The following ZNF283 variants were observed in gnomAD, a reference collection of about 807,000 sequenced individuals.
ZNF283 encodes zinc finger protein 283, also known as zinc finger protein 41.
In ZNF283, 10 loss-of-function variants were observed where a neutral mutation model predicts 9.2. The observed-to-expected ratio is 1.09, with a 90% CI of 0.67 to 1.85. The LOEUF (loss-of-function observed/expected upper bound fraction) is 1.85, where lower values mean the gene tolerates loss of function less well. Among genes scored for constraint, ZNF283 ranks in the 40% most tolerant of loss-of-function variants. The pLI is 0.00. For synonymous variants in ZNF283, 234 were observed against 244.1 expected, an observed-to-expected ratio of 0.96 and a Z score of 0.38; for missense variants, 631 against 760.1, an observed-to-expected ratio of 0.83 and a Z score of 2.00.
intron 4 of ZNF283, among the ~76,000 whole-genome samples, chr19:43,834,300 G>T (rs897855602): frequency 6.6e-6 from 1 of 150,670 alleles, no homozygotes; most frequent in Non-Finnish European, 1.5e-5. Flanking sequence ...CTCAAAAAAT[G>T]AAAAAAAAGG....
intron 6 of ZNF283, among the ~76,000 whole-genome samples, chr19:43,842,087 C>T (rs751816176): frequency 6.6e-6 from 1 of 152,102 alleles, no homozygotes; most frequent in Non-Finnish European, 1.5e-5. Context: ...TTCTTTAGTA[C>T]TTTTCCTCCT....
intron 6 of ZNF283, among the ~76,000 whole-genome samples, chr19:43,844,647 T>G (rs1971338279): frequency 6.6e-6 from 1 of 152,198 alleles, no homozygotes; most frequent in Non-Finnish European, 1.5e-5. Flanking sequence ...ATGATTAAAC[T>G]TACTTCCCAC....
rs767247748 is a variant in ZNF283, at chr19:43,848,393, T to A, written c.1792T>A (p.Ser598Thr). 1 of 1,613,450 alleles carries A rather than the reference T, an allele frequency of 6.2e-7. No homozygotes were observed. Among genetic ancestry groups the A allele is most frequent in the East Asian group, 2.2e-5 (1 of 44,834 alleles). The change falls in exon 7 of 7, where the codon TCT (serine) becomes ACT (threonine). Residue 598 changes from serine (S) to threonine (T), a missense_variant. Physicochemically the swap from Ser to Thr is moderately conservative, Grantham distance 58. Coordinates refer to ENST00000618787, the MANE Select transcript of ZNF283 (RefSeq NM_181845.2). Reference sequence around the variant, plus strand: ...TGAGAGAGTCCATACTAATGAGAAGTCTTATGAATGTAAAGACTGTGGGAA... The same window carrying A: ...TGAGAGAGTCCATACTAATGAGAAGACTTATGAATGTAAAGACTGTGGGAA... ...KHERVHTNEK[S>T]YECKDCGKAF...
chr19:43,841,328 C>T (rs1971201036), intron 6 of ZNF283: 1 of 151,856 alleles, frequency 6.6e-6, no homozygotes, highest in South Asian at 2.1e-4. Flanking sequence ...TAACATACTA[C>T]TTTGTTGTAT....
rs567672624 is a variant in ZNF283 at position 43,839,571 on chromosome 19, G to T, written c.337+2392G>T. 5.9e-5 allele frequency among the ~76,000 whole-genome samples: 9 copies of T among 152,152 alleles called. No homozygotes were observed. In the South Asian group the frequency reaches 1.9e-3, roughly 32 times the overall value. On this transcript the variant is annotated intron_variant, in intron 6 of 6. Coordinates refer to ENST00000618787, the MANE Select transcript of ZNF283 (RefSeq NM_181845.2). ...TCTTTTTCTGGGACTCATATGATGT[G>T]TATGTTGGTGTGCTTGATGGTATCC... is the stretch of plus-strand genomic sequence containing the variant.
chr19:43,833,079 A>G (rs1019796125), intron 3 of ZNF283, among the ~76,000 whole-genome samples: 1 of 151,054 alleles, frequency 6.6e-6, no homozygotes, highest in Non-Finnish European at 1.5e-5. Context: ...ATCATATACC[A>G]TTCAGTATTT....
intron 6 of ZNF283, 47 bp from the exon 7 acceptor site, chr19:43,846,892 T>C (rs765062113): frequency 1.2e-4 from 146 of 1,192,236 alleles, no homozygotes; most frequent in Admixed American, 2.4e-4. Flanking sequence ...TTTTTTTTTT[T>C]CCCTAGTGAA....
At chr19:43,841,409 T>C (rs1042782407) in intron 6 of ZNF283, 1 of 151,934 alleles carries the variant, frequency 6.6e-6, no homozygotes, top group Non-Finnish European at 1.5e-5. Context: ...TCTTGTGTTA[T>C]ATGGCTACTA....
chr19:43,843,580 A>G (rs758099226), intron 6 of ZNF283, among the ~76,000 whole-genome samples: 2 of 152,170 alleles, frequency 1.3e-5, no homozygotes, highest in East Asian at 1.9e-4. Context: ...ATAGCTTCCT[A>G]ATACATTAAG....
At chr19:43,829,378 C>T (rs1475617336) in intron 2 of ZNF283, among the ~76,000 whole-genome samples, 1 of 151,906 alleles carries the variant, frequency 6.6e-6, no homozygotes, top group Admixed American at 6.6e-5. Context: ...GAGAGAGACT[C>T]CATCTCGAAA....
In ZNF283 at chr19:43,850,245, T is replaced by C. The variant is rs1034222969; in HGVS notation, c.*1604T>C. On this transcript the variant is annotated 3_prime_UTR_variant, in exon 7 of 7. Coordinates refer to ENST00000618787, the MANE Select transcript of ZNF283 (RefSeq NM_181845.2). ...ATTTTTTACCAGAACACTTCATAGATGGTGATGTGTACTTCATCTTGCAAT... is the reference window on the plus strand; with the variant it reads ...ATTTTTTACCAGAACACTTCATAGACGGTGATGTGTACTTCATCTTGCAAT... 6.6e-6 allele frequency: 1 copy of C among 152,200 alleles called. No individual in the cohort carries two copies. The highest frequency in any genetic ancestry group is 1.5e-5 in the Non-Finnish European group (1 of 68,048). The allele number at this position is 152,200 out of a possible 1,614,324, so 9.4% of individuals were successfully genotyped here.
chr19:43,848,091 G>A lies in ZNF283; in HGVS notation c.1490G>A (p.Cys497Tyr), dbSNP rs747293935. 2 of 1,613,218 alleles carry A rather than the reference G, an allele frequency of 1.2e-6. No homozygotes were observed. The highest frequency in any genetic ancestry group is 2.2e-5 in the South Asian group (2 of 91,048). ...TGTAAAGAATGCGGAAAGACCTTTT[G>A]TAGTGGGTATCAACTTACTCGACAT... ...HECKECGKTF[C>Y]SGYQLTRHQV... The change falls in exon 7 of 7, where the codon TGT becomes TAT. Residue 497 changes from cysteine (C) to tyrosine (Y), a missense_variant. This residue lies in a region of ZNF283 where 444 missense variants were observed against 522.5 expected (regional missense o/e 0.85). Transcript: ENST00000618787.
Position 43,847,141 on chromosome 19 carries a change from C to T in ZNF283, c.540C>T (p.Ile180=). The change falls in exon 7 of 7, where the codon ATC becomes ATT. Residue 180 remains isoleucine (I), a synonymous_variant. Transcript: ENST00000618787. ...HQEGYFSQMI[I]SYEKIPSYRK... ...AGGGATACTTCAGTCAAATGATAAT[C>T]AGCTATGAAAAAATACCTTCTTACA... 6.2e-7 allele frequency: 1 copy of T among 1,613,296 alleles called. No homozygotes were observed. The highest frequency in any genetic ancestry group is 1.3e-5 in the African/African-American group (1 of 75,014).
chr19:43,833,138 G>A (rs150312324), intron 3 of ZNF283, among the ~76,000 whole-genome samples: 2 of 151,582 alleles, frequency 1.3e-5, no homozygotes, highest in Admixed American at 6.6e-5. Context: ...GTTCTCACCC[G>A]TCTTACTGAT....
intron 6 of ZNF283, among the ~76,000 whole-genome samples, chr19:43,839,404 CAAT>C (rs1387074410): frequency 1.3e-5 from 2 of 152,046 alleles, no homozygotes; most frequent in African/African-American, 2.4e-5. Flanking sequence ...CATAATTTGA[CAAT>C]AATGTGTCTA....
chr19:43,847,730 T>A lies in ZNF283; in HGVS notation c.1129T>A (p.Cys377Ser), dbSNP rs981850317. The stretch of plus-strand genomic sequence containing the variant: ...CCATACTGGTAAGAAACCTTATGAA[T>A]GTAAAATATGTGGAAAGGCTTTTTG... ...KIHTGKKPYE[C>S]KICGKAFCWG... Residue 377 changes from cysteine (C) to serine (S), a missense_variant, in exon 7 of 7, where the codon TGT becomes AGT. This residue lies in a region of ZNF283 where 444 missense variants were observed against 522.5 expected (regional missense o/e 0.85). Transcript: ENST00000618787. 2 of 1,613,554 alleles carry A rather than the reference T, an allele frequency of 1.2e-6. No homozygotes were observed. The highest frequency in any genetic ancestry group is 3.3e-5 in the Admixed American group (2 of 59,970).
Position 43,848,435 on chromosome 19 carries a change from T to C in ZNF283, c.1834T>C (p.Tyr612His). The C allele has an allele frequency of 6.2e-7, 1 of 1,614,044 alleles. No homozygotes were observed. Among genetic ancestry groups the C allele is most frequent in the Non-Finnish European group, 8.5e-7 (1 of 1,179,924 alleles). The stretch of plus-strand genomic sequence containing the variant: ...CTGTGGGAAGGCCTTTGGTAGTGGC[T>C]ATCAACTTAGTGTTCATCAGAGATT... ...KDCGKAFGSG[Y>H]QLSVHQRFHT... The change falls in exon 7 of 7, where the codon TAT becomes CAT. Residue 612 changes from tyrosine to histidine, a missense_variant. By Grantham distance (83) the Tyr-to-His change is moderately conservative. Transcript: ENST00000618787.
At position 43,829,797 on chromosome 19, in the gene ZNF283, G is replaced by A. The variant is rs148442727; in HGVS notation, c.-65+1516G>A. Among the ~76,000 whole-genome samples, 1,338 of 152,282 alleles carry A rather than the reference G, an allele frequency of 8.8e-3. 10 individuals carry two copies. Among genetic ancestry groups the A allele is most frequent in the Middle Eastern group, 0.024 (7 of 294 alleles). ...CCAGCACTTTGGGAGTCCGAGGCGG[G>A]TGGATCACAAGGTCAGAAGTTCGAG... On this transcript the variant is annotated intron_variant, in intron 2 of 6. Transcript: ENST00000618787.
intron 6 of ZNF283, among the ~76,000 whole-genome samples, chr19:43,838,721 T>C (rs183504564): frequency 6.6e-6 from 1 of 152,306 alleles, no homozygotes; most frequent in East Asian, 1.9e-4. Context: ...TTTTTTTCTG[T>C]TATTTATTTT....
Sources: gnomAD v4.1 joint callset for allele counts (sites outside exome capture counted in the v4.1 genomes callset) on GRCh38, gnomAD v4.1.1 for gene constraint, gnomAD v4.1.1 regional missense constraint, MANE v1.5 for transcripts, NCBI Gene and HGNC (gene_info 2026-07-23, HGNC 2026-07-21) for gene names.